The following USP44 variants were observed in gnomAD, a reference collection of about 807,000 sequenced individuals.
USP44 encodes ubiquitin carboxyl-terminal hydrolase 44.
A neutral mutation model predicts 69.0 loss-of-function variants in USP44; 61 were observed. That is an observed-to-expected ratio of 0.88 (90% CI 0.72 to 1.09). The LOEUF (loss-of-function observed/expected upper bound fraction) is 1.09. Ranked by LOEUF, USP44 falls within the 50% of genes least tolerant of loss-of-function variation. The pLI is 0.00. For missense variants in USP44, 753 were observed against 849.9 expected (o/e 0.89, Z 1.42); for synonymous variants, 297 against 295.4 (o/e 1.01, Z -0.06).
At chr12:95,546,776 T>C (rs2077584425) in intron 1 of USP44, 1 of 152,192 alleles carries the variant, frequency 6.6e-6, no homozygotes, top group African/African-American at 2.4e-5. Flanking sequence ...AAAACCCCAA[T>C]TCAACAAATT....
In USP44 at chr12:95,529,006, CA is replaced by C; in HGVS notation, c.1429-5del. On this transcript the variant is annotated splice_region_variant and splice_polypyrimidine_tract_variant and intron_variant, in intron 2 of 5. Coordinates refer to ENST00000258499, the MANE Select transcript of USP44 (RefSeq NM_032147.5). ...TGTCACATGCAAGACATGTAACCTGCAAATGAGAATATGAGTTCCTAAGATT... is the reference window on the plus strand; with the variant it reads ...TGTCACATGCAAGACATGTAACCTGCAATGAGAATATGAGTTCCTAAGATT... The C allele has an allele frequency of 6.2e-7, 1 of 1,602,200 alleles. No individual in the cohort carries two copies. The highest frequency in any genetic ancestry group is 8.5e-7 in the Non-Finnish European group (1 of 1,174,028).
Position 95,528,830 on chromosome 12 carries a change from AT to A in USP44, c.1600del (p.Ile534SerfsTer29), listed in dbSNP as rs1484780567. 6.2e-7 allele frequency: 1 copy of A among 1,613,830 alleles called. No individual in the cohort carries two copies. The highest frequency in any genetic ancestry group is 2.2e-5 in the East Asian group (1 of 44,850). ...FTETEALEGK[I>X]YVCDQCNSKR... ...ACAGTTACACTGGTCACATACGTAGATTTTTCCTTCTAAAGCTTCAGTTTCT... is the reference window on the plus strand; with the variant it reads ...ACAGTTACACTGGTCACATACGTAGATTTTCCTTCTAAAGCTTCAGTTTCT... On this transcript the variant is annotated frameshift_variant, in exon 3 of 6. Coordinates refer to ENST00000258499, the MANE Select transcript of USP44 (RefSeq NM_032147.5). LOFTEE classifies it high-confidence loss of function.
intron 5 of USP44, among the ~76,000 whole-genome samples, chr12:95,519,432 A>ATTTTTTT (rs60940181): frequency 3.3e-4 from 28 of 84,544 alleles, no homozygotes; most frequent in Non-Finnish European, 3.7e-4. Context: ...CTCAATCTGT[A>ATTTTTTT]TTTTTTTTTT....
rs751106377 is a variant in USP44 at position 95,528,943 on chromosome 12, T to C, written c.1488A>G (p.Ser496=). 1.9e-6 allele frequency: 3 copies of C among 1,614,042 alleles called. No individual in the cohort carries two copies. Among genetic ancestry groups the C allele is most frequent in the South Asian group, 2.2e-5 (2 of 91,072 alleles). The change falls in exon 3 of 6, where the codon TCA becomes TCG. Residue 496 remains serine, a synonymous_variant. Transcript: ENST00000258499. ...ATTGATACCTTTCTGGAAACTCCAATGACAAGTCCCAGAAAGGTTCTATGG... is the reference window on the plus strand; with the variant it reads ...ATTGATACCTTTCTGGAAACTCCAACGACAAGTCCCAGAAAGGTTCTATGG... ...SNTIEPFWDL[S]LEFPERYQCS... is the part of the protein sequence containing the mutation.
chr12:95,530,433 C>T (rs2076981119), intron 2 of USP44, among the ~76,000 whole-genome samples: 1 of 151,850 alleles, frequency 6.6e-6, no homozygotes, highest in South Asian at 2.1e-4. Flanking sequence ...CCAGCCTGGG[C>T]AACACAGTGA....
At chr12:95,546,527 C>A (rs1215454523) in intron 1 of USP44, 2 of 152,144 alleles carry the variant, frequency 1.3e-5, no homozygotes, top group South Asian at 4.1e-4. Context: ...AACTGTCCCC[C>A]GTTACTGAAT....
chr12:95,525,731 G>C (rs139129578), intron 3 of USP44, among the ~76,000 whole-genome samples: 5 of 152,284 alleles, frequency 3.3e-5, no homozygotes, highest in Admixed American at 6.5e-5. Flanking sequence ...GATTCTTCTT[G>C]TTGTCCCTTC....
intron 1 of USP44, among the ~76,000 whole-genome samples, chr12:95,541,208 G>A (rs906028957): frequency 2.0e-5 from 3 of 152,176 alleles, no homozygotes; most frequent in African/African-American, 7.2e-5. Flanking sequence ...CCTGGGAGAC[G>A]GAGGTTGCAG....
chr12:95,517,060 ATT>A lies in USP44; in HGVS notation c.*1092_*1093del, dbSNP rs1555194857. 3 of 140,992 alleles carry A rather than the reference ATT, an allele frequency of 2.1e-5. No individual in the cohort carries two copies. The highest frequency in any genetic ancestry group is 3.1e-5 in the Non-Finnish European group (2 of 64,484). The allele number at this position is 140,992 out of a possible 1,614,324, so 8.7% of individuals were successfully genotyped here. On this transcript the variant is annotated 3_prime_UTR_variant, in exon 6 of 6. Coordinates refer to ENST00000258499, the MANE Select transcript of USP44 (RefSeq NM_032147.5). ...GAAGAAAAAGAGTGACTCACACTGT[ATT>A]TTTTTTTGTGCAAGTTTAGATAGAT... is the stretch of plus-strand genomic sequence containing the variant.
intron 1 of USP44, among the ~76,000 whole-genome samples, chr12:95,544,610 A>ACACTTTG: frequency 6.6e-6 from 1 of 152,346 alleles, no homozygotes; most frequent in South Asian, 2.1e-4. Context: ...GGAAGTTACC[A>ACACTTTG]TGATGAATAA....
chr12:95,525,347 G>C (rs1412423787), intron 3 of USP44, among the ~76,000 whole-genome samples: 1 of 152,194 alleles, frequency 6.6e-6, no homozygotes, highest in Non-Finnish European at 1.5e-5. Context: ...TGGGATTACA[G>C]GCATGAGCCA....
Position 95,520,893 on chromosome 12 carries a change from G to A in USP44, c.1939+104C>T, listed in dbSNP as rs2076638682. On this transcript the variant is annotated intron_variant, in intron 5 of 5. Coordinates refer to ENST00000258499, the MANE Select transcript of USP44 (RefSeq NM_032147.5). ...ATTCTCCCTAAGAAAATAAGTGGTC[G>A]AGTAGCTTTGTTTATGATTTAGTAG... The A allele has an allele frequency of 4.9e-6, 5 of 1,021,256 alleles. No individual in the cohort carries two copies. In the South Asian group the frequency reaches 5.8e-5, roughly 12 times the overall value. The allele number at this position is 1,021,256 out of a possible 1,614,324, so 63.3% of individuals were successfully genotyped here.
intron 5 of USP44, 62 bp from the exon 6 acceptor site, chr12:95,518,415 A>G (rs2076545558): frequency 6.6e-7 from 1 of 1,518,120 alleles, no homozygotes; most frequent in African/African-American, 1.4e-5. Flanking sequence ...TATGAAAGGC[A>G]TTGAGTGAGA....
At chr12:95,522,756 C>T (rs563294695) in intron 4 of USP44, among the ~76,000 whole-genome samples, 1 of 132,510 alleles carries the variant, frequency 7.5e-6, no homozygotes, top group African/African-American at 2.9e-5. Context: ...CCAGCCTAGG[C>T]GACAAGAGCG....
At chr12:95,525,912 C>T (rs1346774219) in intron 3 of USP44, among the ~76,000 whole-genome samples, 1 of 152,206 alleles carries the variant, frequency 6.6e-6, no homozygotes. Context: ...AAGCTGAGCT[C>T]TAAGCCACCT....
intron 3 of USP44, among the ~76,000 whole-genome samples, chr12:95,526,454 C>T (rs1233896225): frequency 6.6e-6 from 1 of 152,198 alleles, no homozygotes; most frequent in South Asian, 2.1e-4. Flanking sequence ...CGCCTGTAGT[C>T]CCAGCTACTC....
Position 95,518,104 on chromosome 12 carries a change from T to A in USP44, c.*50A>T. On this transcript the variant is annotated 3_prime_UTR_variant, in exon 6 of 6. Transcript: ENST00000258499. ...AAGTTTAAAATGGTACATCAGTCTT[T>A]TAAAAAGTATATATATAAATCACAG... 6.3e-7 allele frequency: 1 copy of A among 1,584,216 alleles called. No individual in the cohort carries two copies. Among genetic ancestry groups the A allele is most frequent in the Non-Finnish European group, 8.6e-7 (1 of 1,160,408 alleles).
chr12:95,528,307 A>C (rs182570265), intron 3 of USP44, among the ~76,000 whole-genome samples: 41 of 152,362 alleles, frequency 2.7e-4, no homozygotes, highest in Admixed American at 2.0e-4. Flanking sequence ...ACTGGGAATA[A>C]CTAACACAGA....
In USP44 at chr12:95,522,235, T is replaced by C. The variant is rs2076689259; in HGVS notation, c.1734-1033A>G. The C allele has an allele frequency of 8.4e-6, 3 of 357,026 alleles. No homozygotes were observed. The Admixed American group carries it at 1.9e-4, about 23-fold the overall frequency. The allele number at this position is 357,026 out of a possible 1,614,324, so 22.1% of individuals were successfully genotyped here. ...AATATAGTAGTAAAGTACTAAAACA[T>C]GAGGTTCAGACCAATAGCAGGTAGA... On this transcript the variant is annotated intron_variant, in intron 4 of 5. Coordinates refer to ENST00000258499, the MANE Select transcript of USP44 (RefSeq NM_032147.5).
Sources: allele counts gnomAD v4.1 joint callset (sites outside exome capture counted in the v4.1 genomes callset), GRCh38; gene constraint gnomAD v4.1.1; transcripts MANE v1.5; gene names NCBI Gene and HGNC (gene_info 2026-07-23, HGNC 2026-07-21).